Variants in CYB5A observed in about 807,000 individuals in gnomAD.
CYB5A encodes cytochrome b5.
A neutral mutation model predicts 16.2 loss-of-function variants in CYB5A; 10 were observed. The observed-to-expected ratio is 0.62, with a 90% CI of 0.38 to 1.04. The LOEUF (loss-of-function observed/expected upper bound fraction) is 1.04. CYB5A is among the 50% of genes least tolerant of loss of function. CYB5A has a pLI of 0.01. For missense variants in CYB5A, 161 were observed against 165.9 expected (o/e 0.97, Z 0.16); for synonymous variants, 62 against 57.0 (o/e 1.09, Z -0.40).
chr18:74,256,701 C>A, intron 3 of CYB5A: 1 of 845,862 alleles, frequency 1.2e-6, no homozygotes, highest in South Asian at 1.6e-5. Flanking sequence ...AGATAAAAAG[C>A]ATTAGCAAAA....
In CYB5A at chr18:74,252,380, CAGG is replaced by C. The variant is rs1981801798; in HGVS notation, c.*1201_*1203del. 2.6e-5 allele frequency: 4 copies of C among 152,138 alleles called. No homozygotes were observed. Among genetic ancestry groups the C allele is most frequent in the Admixed American group, 2.0e-4 (3 of 15,262 alleles). The allele number at this position is 152,138 out of a possible 1,614,324, so 9.4% of individuals were successfully genotyped here. A position where few individuals can be genotyped will look rare whatever the true frequency, so the allele number is the denominator to read the frequency against. On this transcript the variant is annotated 3_prime_UTR_variant, in exon 5 of 5. Transcript: ENST00000340533. ...GACTGAATCAGCCCCTTAGAGCCCC[CAGG>C]AGGAGACAGAGCCACACCAGAACTC...
At chr18:74,265,455 T>C (rs1982396352) in intron 1 of CYB5A, among the ~76,000 whole-genome samples, 1 of 152,220 alleles carries the variant, frequency 6.6e-6, no homozygotes, top group Non-Finnish European at 1.5e-5. Flanking sequence ...CTCTGTGAAC[T>C]TGGGAAAACA....
intron 1 of CYB5A, among the ~76,000 whole-genome samples, chr18:74,269,957 TA>T (rs1982607811): frequency 6.6e-6 from 1 of 152,126 alleles, no homozygotes; most frequent in Non-Finnish European, 1.5e-5. Context: ...AGGTAGAAGA[TA>T]AAGTAGGGGA....
chr18:74,283,013 A>T (rs1285514524), intron 1 of CYB5A, among the ~76,000 whole-genome samples: 1 of 152,198 alleles, frequency 6.6e-6, no homozygotes, highest in African/African-American at 2.4e-5. Context: ...ACCACCACCC[A>T]TTTGATGGAA....
chr18:74,266,158 C>T (rs1982424673), intron 1 of CYB5A, among the ~76,000 whole-genome samples: 1 of 152,160 alleles, frequency 6.6e-6, no homozygotes, highest in Non-Finnish European at 1.5e-5. Context: ...AAAGCCAACC[C>T]GAAACTTCTG....
At chr18:74,271,860 C>A (rs1982681850) in intron 1 of CYB5A, among the ~76,000 whole-genome samples, 1 of 152,216 alleles carries the variant, frequency 6.6e-6, no homozygotes, top group African/African-American at 2.4e-5. Context: ...AACATAAAAG[C>A]TGAAGATGGC....
chr18:74,269,161 G>A (rs746169320), intron 1 of CYB5A, among the ~76,000 whole-genome samples: 1 of 152,142 alleles, frequency 6.6e-6, no homozygotes, highest in Non-Finnish European at 1.5e-5. Flanking sequence ...CCCCTGCATT[G>A]TAAACAGTAA....
rs922916655 is a variant in CYB5A at position 74,252,557 on chromosome 18, C to A, written c.*1027G>T. 2.0e-5 allele frequency: 3 copies of A among 152,286 alleles called. No homozygotes were observed. Among genetic ancestry groups the A allele is most frequent in the Non-Finnish European group, 2.9e-5 (2 of 68,022 alleles). 9.4% of individuals were successfully genotyped at this position (152,286 alleles called of 1,614,324 possible). ...ATGAGGAATTCTTAAAACTTTAGAACCTATGAAGCTGTGAGTGCCTTTGCA... is the reference window on the plus strand; with the variant it reads ...ATGAGGAATTCTTAAAACTTTAGAAACTATGAAGCTGTGAGTGCCTTTGCA... On this transcript the variant is annotated 3_prime_UTR_variant, in exon 5 of 5. Coordinates refer to ENST00000340533, the MANE Select transcript of CYB5A (RefSeq NM_148923.4).
At chr18:74,256,636 CA>C in intron 3 of CYB5A, 1 of 590,120 alleles carries the variant, frequency 1.7e-6, no homozygotes, top group Non-Finnish European at 3.0e-6. Context: ...ATTAGGGCCT[CA>C]AACAGAAGTT....
At position 74,261,789 on chromosome 18, in the gene CYB5A, T is replaced by A. The variant is rs1982210304; in HGVS notation, c.259-845A>T. On this transcript the variant is annotated intron_variant, in intron 2 of 4. Transcript: ENST00000340533. ...TACAGGGATCATCAGTGGTATACGA[T>A]AAGACTTTTCCTATATTCTTTAAGA... The A allele has an allele frequency of 2.0e-5, 3 of 152,272 alleles. No homozygotes were observed. In the South Asian group the frequency reaches 6.2e-4, roughly 31 times the overall value. The allele number at this position is 152,272 out of a possible 1,614,324, so 9.4% of individuals were successfully genotyped here. A position where few individuals can be genotyped will look rare whatever the true frequency, so the allele number is the denominator to read the frequency against.
intron 2 of CYB5A, among the ~76,000 whole-genome samples, chr18:74,262,691 G>A (rs1982257737): frequency 6.6e-6 from 1 of 152,032 alleles, no homozygotes; most frequent in Non-Finnish European, 1.5e-5. Context: ...GTAGAAGTGG[G>A]GTTCTTAATA....
At chr18:74,286,507 T>C (rs1983325566) in intron 1 of CYB5A, among the ~76,000 whole-genome samples, 1 of 152,246 alleles carries the variant, frequency 6.6e-6, no homozygotes. Context: ...CTTCTCTACA[T>C]ATTTTTTCCA....
At chr18:74,269,222 A>C (rs1484585040) in intron 1 of CYB5A, among the ~76,000 whole-genome samples, 3 of 152,082 alleles carry the variant, frequency 2.0e-5, no homozygotes, top group African/African-American at 7.2e-5. Context: ...CTCACACATA[A>C]AAGTTCGCAG....
At chr18:74,260,654 A>G in intron 3 of CYB5A, 1 of 527,474 alleles carries the variant, frequency 1.9e-6, no homozygotes. Context: ...GTAGCTCTTC[A>G]AATGGTATAT....
chr18:74,253,739 A>G, intron 4 of CYB5A, 74 bp from the exon 5 acceptor site: 1 of 988,302 alleles, frequency 1.0e-6, no homozygotes, highest in Non-Finnish European at 1.6e-6. Flanking sequence ...GCTCCTTCTA[A>G]CAGAAAATTA....
intron 1 of CYB5A, among the ~76,000 whole-genome samples, chr18:74,269,872 T>C (rs1399776514): frequency 2.6e-5 from 4 of 152,258 alleles, no homozygotes; most frequent in Admixed American, 6.5e-5. Context: ...TGAAGACTTT[T>C]AGAAGCTGAT....
chr18:74,274,034 T>A (rs1266482500), intron 1 of CYB5A, among the ~76,000 whole-genome samples: 1 of 152,140 alleles, frequency 6.6e-6, no homozygotes, highest in African/African-American at 2.4e-5. Context: ...GCTCCCTACT[T>A]CAGTAATAAG....
In CYB5A at chr18:74,274,787, C is replaced by T. The variant is rs960243021; in HGVS notation, c.130-11310G>A. Among the ~76,000 whole-genome samples, 36 of 152,182 alleles carry T rather than the reference C, an allele frequency of 2.4e-4. 2 individuals carry two copies. The highest frequency in any genetic ancestry group is 2.4e-5 in the African/African-American group (1 of 41,440). Reference sequence around the variant, plus strand: ...GATACAGAATAATATTTTTGTCTAACGTTGCCCTTAACTCCTAAATTTGCT... The same window carrying T: ...GATACAGAATAATATTTTTGTCTAATGTTGCCCTTAACTCCTAAATTTGCT... On this transcript the variant is annotated intron_variant, in intron 1 of 4. Coordinates refer to ENST00000340533, the MANE Select transcript of CYB5A (RefSeq NM_148923.4).
chr18:74,266,110 ATGCACGTTAGATG>A (rs1380462645), intron 1 of CYB5A, among the ~76,000 whole-genome samples: 7 of 152,222 alleles, frequency 4.6e-5, no homozygotes, highest in African/African-American at 1.7e-4. Flanking sequence ...AGGCATGGGA[ATGCACGTTAGATG>A]TGCAGACAAC....
Sources: gnomAD v4.1 joint callset for allele counts (sites outside exome capture counted in the v4.1 genomes callset) on GRCh38, gnomAD v4.1.1 for gene constraint, MANE v1.5 for transcripts, NCBI Gene and HGNC (gene_info 2026-07-23, HGNC 2026-07-21) for gene names.